The following HIRA variants were observed in gnomAD, a reference collection of about 807,000 sequenced individuals.
HIRA encodes histone cell cycle regulator, also known as protein HIRA.
A neutral mutation model predicts 126.6 loss-of-function variants in HIRA; 13 were observed. That is an observed-to-expected ratio of 0.10 (90% CI 0.07 to 0.16). The LOEUF (loss-of-function observed/expected upper bound fraction) is 0.16. Ranked by LOEUF, HIRA falls within the 10% of genes least tolerant of loss-of-function variation. The pLI, the probability that HIRA is intolerant of heterozygous loss-of-function variation, is 1.00. For missense variants in HIRA, 834 were observed against 1,314.4 expected (o/e 0.63, Z 5.65); for synonymous variants, 511 against 520.0 (o/e 0.98, Z 0.24).
intron 24 of HIRA, among the ~76,000 whole-genome samples, chr22:19,343,854 A>C (rs186850952): frequency 4.7e-5 from 7 of 148,144 alleles, no homozygotes; most frequent in Non-Finnish European, 5.9e-5. Context: ...TTGAGCCAGA[A>C]GGTTGAGGCC....
intron 1 of HIRA, among the ~76,000 whole-genome samples, chr22:19,431,105 G>A (rs922548655): frequency 6.6e-6 from 1 of 152,196 alleles, no homozygotes; most frequent in Admixed American, 6.5e-5. Context: ...GCACTTCTCG[G>A]GCGATGCAGA....
In HIRA at chr22:19,339,288, C is replaced by T. The variant is rs558914678; in HGVS notation, c.2938-7732G>A. On this transcript the variant is annotated intron_variant, in intron 24 of 24. Transcript: ENST00000263208. ...ACAGCTTATCAAAACCTCTGGGACA[C>T]AGCAAAAGTGGTGCTAAGAGGAAAG... is the stretch of plus-strand genomic sequence containing the variant. Among the ~76,000 whole-genome samples, 4 of 152,194 alleles carry T rather than the reference C, an allele frequency of 2.6e-5. No individual in the cohort carries two copies. In the South Asian group the frequency reaches 8.3e-4, roughly 32 times the overall value.
At chr22:19,359,233 G>C in intron 18 of HIRA, 103 bp downstream of exon 18, 3 of 1,225,612 alleles carry the variant, frequency 2.4e-6, no homozygotes, top group Non-Finnish European at 3.3e-6. Flanking sequence ...TGTGGGAGCT[G>C]GTGCTCCCAG....
chr22:19,396,753 C>T (rs777949153), intron 7 of HIRA, 34 bp downstream of exon 7: 21 of 1,606,984 alleles, frequency 1.3e-5, no homozygotes, highest in Middle Eastern at 1.9e-4. Context: ...GGGGCAGCTG[C>T]GGGGGCTCAG....
At chr22:19,361,152 G>A (rs2088859533) in intron 17 of HIRA, 85 bp downstream of exon 17, 1 of 1,048,568 alleles carries the variant, frequency 9.5e-7, no homozygotes, top group East Asian at 2.4e-5. Context: ...CTCCAAGGAA[G>A]TGACAAGATA....
At position 19,351,429 on chromosome 22, in the gene HIRA, G is replaced by A; in HGVS notation, c.2866C>T (p.Arg956Ter). 6.2e-7 allele frequency: 1 copy of A among 1,613,310 alleles called. No individual in the cohort carries two copies. The highest frequency in any genetic ancestry group is 8.5e-7 in the Non-Finnish European group (1 of 1,179,588). Residue 956 changes from arginine to a stop codon, truncating the protein, a stop_gained, in exon 24 of 25, where the codon CGA becomes TGA. Coordinates refer to ENST00000263208, the MANE Select transcript of HIRA (RefSeq NM_003325.4). LOFTEE classifies it high-confidence loss of function. The surrounding 1 kb of genome is among the most constrained non-coding windows in gnomAD (Gnocchi z 4.8). The stretch of plus-strand genomic sequence containing the variant: ...CCCAGTAAGTCCTTGCATATTTCTC[G>A]AAGTCGGTATTCAAACCCTAATTAC... ...LVNEGFEYRL[R>*]EICKDLLGPV...
At chr22:19,421,603 T>C (rs929331947) in intron 1 of HIRA, among the ~76,000 whole-genome samples, 1 of 152,248 alleles carries the variant, frequency 6.6e-6, no homozygotes, top group African/African-American at 2.4e-5. Context: ...TTCACAGTCT[T>C]ACTGAGCTCA....
chr22:19,413,852 C>A (rs1010496786), intron 1 of HIRA, among the ~76,000 whole-genome samples: 1 of 151,954 alleles, frequency 6.6e-6, no homozygotes, highest in Non-Finnish European at 1.5e-5. Flanking sequence ...CCTCATGATC[C>A]GACCACCTCA....
intron 1 of HIRA, among the ~76,000 whole-genome samples, chr22:19,430,771 G>A (rs2089528344): frequency 6.6e-6 from 1 of 152,162 alleles, no homozygotes; most frequent in African/African-American, 2.4e-5. Context: ...TCAAGATATG[G>A]GGTGGATGAG....
At chr22:19,409,931 C>T (rs1371699931) in intron 2 of HIRA, among the ~76,000 whole-genome samples, 1 of 152,152 alleles carries the variant, frequency 6.6e-6, no homozygotes, top group East Asian at 1.9e-4. Flanking sequence ...CCTTCCAGCT[C>T]CTTGATTCTG....
chr22:19,340,437 G>A (rs1222449512), intron 24 of HIRA, among the ~76,000 whole-genome samples: 4 of 151,944 alleles, frequency 2.6e-5, no homozygotes, highest in African/African-American at 9.7e-5. Flanking sequence ...AGATAAAAGG[G>A]TTCCCCCTGA....
chr22:19,397,272 T>C (rs1435776158), intron 6 of HIRA, among the ~76,000 whole-genome samples: 1 of 152,162 alleles, frequency 6.6e-6, no homozygotes, highest in African/African-American at 2.4e-5. Context: ...AGCTCCCTGA[T>C]AAGGAGGAGG....
chr22:19,431,315 T>C, intron 1 of HIRA, 125 bp downstream of exon 1: 2 of 1,113,166 alleles, frequency 1.8e-6, no homozygotes, highest in Middle Eastern at 2.1e-4. Context: ...CGCCGGCTTC[T>C]TGGCTTGGGC....
intron 23 of HIRA, 138 bp downstream of exon 23, chr22:19,353,218 C>T: frequency 2.9e-6 from 3 of 1,037,772 alleles, no homozygotes; most frequent in South Asian, 2.9e-5. Context: ...TGCTGAGCTG[C>T]CTTGACTGCA....
At chr22:19,344,396 T>TAA (rs1556008343) in intron 24 of HIRA, among the ~76,000 whole-genome samples, 25 of 152,118 alleles carry the variant, frequency 1.6e-4, no homozygotes, top group African/African-American at 6.0e-4. Context: ...CATGAACAAC[T>TAA]ATATGACAAT....
At chr22:19,353,770 A>C (rs782691859) in intron 22 of HIRA, among the ~76,000 whole-genome samples, 10 of 152,194 alleles carry the variant, frequency 6.6e-5, no homozygotes, top group Non-Finnish European at 1.3e-4. Context: ...CTGAAGTGAC[A>C]GGGCCAGTGA....
intron 7 of HIRA, 43 bp from the exon 8 acceptor site, chr22:19,394,552 T>C (rs973748135): frequency 1.9e-6 from 3 of 1,592,158 alleles, no homozygotes; most frequent in African/African-American, 2.7e-5. Context: ...AAGGCCACCT[T>C]TGTGACCAAA....
Position 19,353,950 on chromosome 22 carries a change from C to T in HIRA, c.2684+46G>A, listed in dbSNP as rs782276799. 5 of 1,602,584 alleles carry T rather than the reference C, an allele frequency of 3.1e-6. No individual in the cohort carries two copies. In the Admixed American group the frequency reaches 6.8e-5, roughly 22 times the overall value. Reference sequence around the variant, plus strand: ...TGCGTGCACTGACCCAGGCACTTCCCCAGGGCAGGACTAAGGACAGTGGCC... The same window carrying T: ...TGCGTGCACTGACCCAGGCACTTCCTCAGGGCAGGACTAAGGACAGTGGCC... On this transcript the variant is annotated intron_variant, in intron 22 of 24. Transcript: ENST00000263208.
At chr22:19,350,067 AAGCTT>A (rs2088738444) in intron 24 of HIRA, among the ~76,000 whole-genome samples, 1 of 151,832 alleles carries the variant, frequency 6.6e-6, no homozygotes, top group Admixed American at 6.6e-5. Flanking sequence ...GGCTCACTGA[AAGCTT>A]AGCCTGGCCT....
Sources: gnomAD v4.1 joint callset for allele counts (sites outside exome capture counted in the v4.1 genomes callset) on GRCh38, gnomAD v4.1.1 for gene constraint, Gnocchi (gnomAD v3.1) non-coding constraint, MANE v1.5 for transcripts, NCBI Gene and HGNC (gene_info 2026-07-23, HGNC 2026-07-21) for gene names.